Variants in EML1 observed in about 807,000 individuals in gnomAD.
The protein encoded by EML1 is echinoderm microtubule-associated protein-like 1.
A neutral mutation model predicts 110.4 loss-of-function variants in EML1; 27 were observed. The ratio of observed to expected loss-of-function variants is 0.24; its 90% CI spans 0.18 to 0.34. EML1 has a LOEUF of 0.34. Ranked by LOEUF, EML1 falls within the 10% of genes least tolerant of loss-of-function variation. The pLI is 1.00. For synonymous variants in EML1, 344 were observed against 385.8 expected, an observed-to-expected ratio of 0.89 and a Z score of 1.27; for missense variants, 741 against 1,030.9, an observed-to-expected ratio of 0.72 and a Z score of 3.85.
chr14:99,887,432 T>G (rs1181846419), intron 4 of EML1, among the ~76,000 whole-genome samples: 1 of 152,102 alleles, frequency 6.6e-6, no homozygotes, highest in Non-Finnish European at 1.5e-5. Flanking sequence ...CAGGGGCAGG[T>G]GCAGGACATC....
At chr14:99,797,459 A>T (rs558029469) in intron 1 of EML1, among the ~76,000 whole-genome samples, 1 of 152,204 alleles carries the variant, frequency 6.6e-6, no homozygotes, top group Non-Finnish European at 1.5e-5. Flanking sequence ...TCTTGGGCAG[A>T]TATCTAGGAG....
At chr14:99,793,740 C>T (rs1254974921) in intron 1 of EML1, among the ~76,000 whole-genome samples, 197 bp downstream of exon 1, 1 of 146,738 alleles carries the variant, frequency 6.8e-6, no homozygotes, top group Non-Finnish European at 1.5e-5. Context: ...GCGCCTCGCT[C>T]CGGGCCGCCC....
intron 1 of EML1, among the ~76,000 whole-genome samples, chr14:99,830,344 A>G (rs1295937544): frequency 6.6e-6 from 1 of 152,136 alleles, no homozygotes; most frequent in Non-Finnish European, 1.5e-5. Flanking sequence ...TGGGTTGTTT[A>G]TCTTTTTGTT....
chr14:99,755,858 G>A (rs563246544), intron 1 of EML1, among the ~76,000 whole-genome samples: 1 of 152,140 alleles, frequency 6.6e-6, no homozygotes, highest in Non-Finnish European at 1.5e-5. Flanking sequence ...GGGGGCAGGA[G>A]CCTGGCCCTG....
chr14:99,775,070 G>A lies in EML1; in HGVS notation c.-27+1057G>A, dbSNP rs556810246. ...TCATACTGACATGCATTTGAATACT[G>A]TTATGTAATTAGGAATGCGGTTTGC... On this transcript the variant is annotated intron_variant, in intron 1 of 22. Coordinates refer to the EML1 transcript ENST00000327921. Among the ~76,000 whole-genome samples, 14 of 152,322 alleles carry A rather than the reference G, an allele frequency of 9.2e-5. No individual in the cohort carries two copies. In the East Asian group the frequency reaches 2.5e-3, roughly 27 times the overall value.
intron 5 of EML1, 26 bp from the exon 6 acceptor site, chr14:99,894,603 T>G (rs756756760): frequency 5.0e-6 from 8 of 1,605,098 alleles, no homozygotes. Flanking sequence ...TGAGGTATCT[T>G]ACTGAAATCT....
intron 1 of EML1, among the ~76,000 whole-genome samples, chr14:99,814,321 A>G (rs920584021): frequency 2.6e-5 from 4 of 152,188 alleles, no homozygotes; most frequent in African/African-American, 9.7e-5. Context: ...CTCAGGCTGG[A>G]GTGCAGTTTC....
intron 1 of EML1, among the ~76,000 whole-genome samples, chr14:99,747,423 T>C (rs2057124290): frequency 6.8e-6 from 1 of 148,138 alleles, no homozygotes. Flanking sequence ...TCTGGCCTGA[T>C]GGGGGGCAGG....
At chr14:99,909,273 T>A (rs1330371495) in intron 10 of EML1, 72 bp from the exon 11 acceptor site, 1 of 1,605,810 alleles carries the variant, frequency 6.2e-7, no homozygotes, top group Admixed American at 1.7e-5. Context: ...GCTCACATTT[T>A]ACTTGTTTTC....
intron 5 of EML1, chr14:99,894,306 A>G (rs1331748620): frequency 1.8e-5 from 3 of 168,412 alleles, no homozygotes; most frequent in Middle Eastern, 2.5e-3. Flanking sequence ...TGGGGGTGGT[A>G]TTTTTTCCCC....
At chr14:99,764,782 T>C (rs1014565316) in intron 1 of EML1, among the ~76,000 whole-genome samples, 7 of 152,238 alleles carry the variant, frequency 4.6e-5, no homozygotes, top group African/African-American at 1.4e-4. Context: ...AGTTTCTTGA[T>C]AGACTTTTGG....
chr14:99,881,934 G>T (rs1284200307), intron 4 of EML1, among the ~76,000 whole-genome samples: 1 of 152,120 alleles, frequency 6.6e-6, no homozygotes, highest in Admixed American at 6.5e-5. Context: ...CAGTCTTCTT[G>T]CTCCCATGTC....
At chr14:99,813,416 T>A (rs1033006520) in intron 1 of EML1, among the ~76,000 whole-genome samples, 5 of 152,182 alleles carry the variant, frequency 3.3e-5, no homozygotes, top group African/African-American at 1.2e-4. Flanking sequence ...TCTTTACCTA[T>A]TAAAAACGAT....
chr14:99,918,553 C>T (rs926038337), intron 16 of EML1, among the ~76,000 whole-genome samples: 6 of 152,220 alleles, frequency 3.9e-5, no homozygotes, highest in African/African-American at 1.2e-4. Flanking sequence ...CACAGTGGCT[C>T]ACACTTGTAA....
intron 1 of EML1, among the ~76,000 whole-genome samples, chr14:99,782,512 G>C (rs367889526): frequency 6.6e-6 from 1 of 152,140 alleles, no homozygotes; most frequent in Non-Finnish European, 1.5e-5. Context: ...GGCACAACAG[G>C]GCACTCAGTG....
intron 1 of EML1, among the ~76,000 whole-genome samples, chr14:99,782,936 A>C (rs917611868): frequency 1.3e-5 from 2 of 152,116 alleles, no homozygotes; most frequent in Non-Finnish European, 2.9e-5. Flanking sequence ...AACCTGTATC[A>C]ATCTAGACAA....
At chr14:99,780,639 A>G (rs1040866723) in intron 1 of EML1, among the ~76,000 whole-genome samples, 7 of 152,210 alleles carry the variant, frequency 4.6e-5, no homozygotes, top group Admixed American at 1.3e-4. Flanking sequence ...GTGCCGCATC[A>G]TGATGAGTGG....
intron 1 of EML1, among the ~76,000 whole-genome samples, chr14:99,757,330 C>T (rs2057267585): frequency 6.7e-6 from 1 of 148,406 alleles, no homozygotes; most frequent in Non-Finnish European, 1.5e-5. Flanking sequence ...CAGAGCACGA[C>T]TCCATTTCAA....
intron 17 of EML1, among the ~76,000 whole-genome samples, chr14:99,926,196 ATAAT>A (rs1184238559): frequency 6.6e-6 from 1 of 152,084 alleles, no homozygotes; most frequent in Non-Finnish European, 1.5e-5. Flanking sequence ...ATAGAATTTC[ATAAT>A]TGCTTTATGG....
Sources: allele counts gnomAD v4.1 joint callset (sites outside exome capture counted in the v4.1 genomes callset), GRCh38; gene constraint gnomAD v4.1.1; transcripts MANE v1.5; gene names NCBI Gene and HGNC (gene_info 2026-07-23, HGNC 2026-07-21).